The following FBXW11 variants were observed in gnomAD, a reference collection of about 807,000 sequenced individuals.
The protein encoded by FBXW11 is F-box/WD repeat-containing protein 11.
A neutral mutation model predicts 77.6 loss-of-function variants in FBXW11; 19 were observed. The ratio of observed to expected loss-of-function variants is 0.24; its 90% CI spans 0.17 to 0.36. FBXW11 has a LOEUF of 0.36. Among genes scored for constraint, FBXW11 ranks in the 10% least tolerant of loss-of-function variants. FBXW11 has a pLI of 1.00. For missense variants in FBXW11, 334 were observed against 704.2 expected (o/e 0.47, Z 5.95); for synonymous variants, 235 against 249.4 (o/e 0.94, Z 0.54).
rs544393845 is a variant in FBXW11, at chr5:171,930,728, A to T, written c.148-16323T>A. Among the ~76,000 whole-genome samples the T allele has an allele frequency of 3.6e-3, 526 of 144,144 alleles. 2 individuals are homozygous for T. Among genetic ancestry groups the T allele is most frequent in the African/African-American group, 0.013 (504 of 38,846 alleles). The allele number at this position is 144,144 out of a possible 152,430, so 94.6% of individuals were successfully genotyped here. ...CACCCAAGAATGATCAATAAAAAAA[A>T]TAAATAAAAAATAAAAAATAAAAAA... On this transcript the variant is annotated intron_variant, in intron 2 of 13. Transcript: ENST00000517395.
At position 171,894,634 on chromosome 5, in the gene FBXW11, G is replaced by GC. The variant is rs1759612290; in HGVS notation, c.715-3031dup. On this transcript the variant is annotated intron_variant, in intron 6 of 13. Coordinates refer to ENST00000517395, the MANE Select transcript of FBXW11 (RefSeq NM_001378974.1). Reference sequence around the variant, plus strand: ...GTCAACTACGCCGGCCTAAAAAACTGCCCCCATGATGTCTGACAACCTTGA... The same window carrying GC: ...GTCAACTACGCCGGCCTAAAAAACTGCCCCCCATGATGTCTGACAACCTTGA... 4.0e-5 allele frequency among the ~76,000 whole-genome samples: 6 copies of GC among 150,616 alleles called. 1 individual carries two copies. In the South Asian group the frequency reaches 1.0e-3, roughly 26 times the overall value.
intron 1 of FBXW11, among the ~76,000 whole-genome samples, chr5:171,964,265 G>A (rs1163495761): frequency 6.6e-6 from 1 of 152,184 alleles, no homozygotes; most frequent in Non-Finnish European, 1.5e-5. Flanking sequence ...CCTACTGATA[G>A]AATATCAAAC....
At chr5:171,937,192 T>C (rs555094663) in intron 2 of FBXW11, among the ~76,000 whole-genome samples, 1 of 152,300 alleles carries the variant, frequency 6.6e-6, no homozygotes, top group Admixed American at 6.5e-5. Context: ...TTTATGGAGC[T>C]AGACAAAATG....
chr5:171,995,707 C>G (rs1766001622), intron 1 of FBXW11, among the ~76,000 whole-genome samples: 1 of 151,742 alleles, frequency 6.6e-6, no homozygotes, highest in South Asian at 2.1e-4. Flanking sequence ...GAGTGGAGAT[C>G]GCGCCACTGC....
At chr5:171,866,371 T>C (rs777963407) in intron 13 of FBXW11, among the ~76,000 whole-genome samples, 11 of 152,308 alleles carry the variant, frequency 7.2e-5, no homozygotes, top group Non-Finnish European at 1.5e-4. Context: ...ATTTGTGGTC[T>C]CACTGCTTGT....
intron 1 of FBXW11, among the ~76,000 whole-genome samples, chr5:171,987,728 C>T (rs993254303): frequency 7.2e-5 from 11 of 152,146 alleles, no homozygotes; most frequent in Non-Finnish European, 1.5e-4. Flanking sequence ...GCTGGGATTA[C>T]GGGCGTGAGC....
intron 2 of FBXW11, among the ~76,000 whole-genome samples, chr5:171,941,027 T>C (rs1024633172): frequency 3.3e-5 from 5 of 152,300 alleles, no homozygotes; most frequent in East Asian, 1.9e-4. Flanking sequence ...TGTATACTGA[T>C]AGAATAAATG....
intron 1 of FBXW11, among the ~76,000 whole-genome samples, chr5:171,992,886 C>G (rs1308921472): frequency 6.6e-6 from 1 of 151,768 alleles, no homozygotes; most frequent in Non-Finnish European, 1.5e-5. Flanking sequence ...TATAAAGAGG[C>G]CACAAGGAAG....
chr5:171,918,960 T>C (rs1048107929), intron 2 of FBXW11, among the ~76,000 whole-genome samples: 1 of 152,120 alleles, frequency 6.6e-6, no homozygotes, highest in Admixed American at 6.6e-5. Context: ...TGGGAGAATA[T>C]ACTAAGGCAC....
chr5:171,981,014 GC>G (rs1284158924), intron 1 of FBXW11, among the ~76,000 whole-genome samples: 3 of 152,064 alleles, frequency 2.0e-5, no homozygotes, highest in African/African-American at 4.8e-5. Context: ...AATTTTCACT[GC>G]CCCCACCACC....
chr5:171,866,090 C>A (rs1406515129), intron 13 of FBXW11, among the ~76,000 whole-genome samples: 1 of 151,986 alleles, frequency 6.6e-6, no homozygotes, highest in Admixed American at 6.6e-5. Context: ...CATGGTGAAA[C>A]CCCATCTCCA....
intron 4 of FBXW11, among the ~76,000 whole-genome samples, chr5:171,909,281 C>T (rs908126509): frequency 2.0e-5 from 3 of 151,938 alleles, no homozygotes; most frequent in Non-Finnish European, 2.9e-5. Flanking sequence ...GATGCCACCT[C>T]GTTGAGAAAA....
At chr5:171,909,876 A>T (rs1355252467) in intron 4 of FBXW11, among the ~76,000 whole-genome samples, 1 of 152,148 alleles carries the variant, frequency 6.6e-6, no homozygotes, top group African/African-American at 2.4e-5. Flanking sequence ...GATACAAATG[A>T]ATGCCCTAAA....
At chr5:171,919,650 T>C (rs1012847385) in intron 2 of FBXW11, among the ~76,000 whole-genome samples, 1 of 152,250 alleles carries the variant, frequency 6.6e-6, no homozygotes, top group Non-Finnish European at 1.5e-5. Flanking sequence ...TGACCTTGTA[T>C]GATAGCACCT....
At chr5:171,984,772 GA>G (rs765986558) in intron 1 of FBXW11, among the ~76,000 whole-genome samples, 9 of 151,924 alleles carry the variant, frequency 5.9e-5, no homozygotes, top group East Asian at 1.9e-4. Context: ...GAAAATTATA[GA>G]AAAAAAGAAT....
intron 4 of FBXW11, among the ~76,000 whole-genome samples, chr5:171,901,954 C>T (rs925168033): frequency 1.3e-5 from 2 of 152,160 alleles, no homozygotes; most frequent in African/African-American, 4.8e-5. Context: ...TGTTGGCAAA[C>T]ACGTTAAACG....
Position 172,006,520 on chromosome 5 carries a change from C to G in FBXW11, c.-18G>C. 1.0e-5 allele frequency: 15 copies of G among 1,501,050 alleles called. No individual in the cohort carries two copies. Among genetic ancestry groups the G allele is most frequent in the Non-Finnish European group, 1.3e-5 (15 of 1,123,476 alleles). The allele number at this position is 1,501,050 out of a possible 1,614,324, so 93.0% of individuals were successfully genotyped here. A position where few individuals can be genotyped will look rare whatever the true frequency, so the allele number is the denominator to read the frequency against. Reference sequence around the variant, plus strand: ...GGCTCCATGGCGGCCCCGGCGGCCCCGCCTCGCTCTCCCCGCGCAGCAGCG... The same window carrying G: ...GGCTCCATGGCGGCCCCGGCGGCCCGGCCTCGCTCTCCCCGCGCAGCAGCG... On this transcript the variant is annotated 5_prime_UTR_variant, in exon 1 of 14. Transcript: ENST00000517395.
intron 1 of FBXW11, among the ~76,000 whole-genome samples, chr5:171,982,463 G>A (rs539831966): frequency 6.6e-6 from 1 of 152,080 alleles, no homozygotes; most frequent in Admixed American, 6.6e-5. Flanking sequence ...TAGTAGATAC[G>A]GGGTTACATC....
intron 1 of FBXW11, among the ~76,000 whole-genome samples, chr5:171,997,570 G>A (rs1247550707): frequency 6.6e-6 from 1 of 152,110 alleles, no homozygotes; most frequent in Non-Finnish European, 1.5e-5. Flanking sequence ...TCTACCCTTA[G>A]CTAAAATATA....
Sources: gnomAD v4.1 joint callset for allele counts (sites outside exome capture counted in the v4.1 genomes callset) on GRCh38, gnomAD v4.1.1 for gene constraint, MANE v1.5 for transcripts, NCBI Gene and HGNC (gene_info 2026-07-23, HGNC 2026-07-21) for gene names.